The following TTLL5 variants were observed in gnomAD, a reference collection of about 807,000 sequenced individuals.
The protein encoded by TTLL5 is tubulin tyrosine ligase like 5.
In TTLL5, 132 loss-of-function variants were observed where a neutral mutation model predicts 168.4. That is an observed-to-expected ratio of 0.78 (90% CI 0.68 to 0.91). The LOEUF (loss-of-function observed/expected upper bound fraction) is 0.91, where lower values mean the gene tolerates loss of function less well. TTLL5 is among the 40% of genes least tolerant of loss of function. The pLI, the probability that TTLL5 is intolerant of heterozygous loss-of-function variation, is 0.00. For missense variants in TTLL5, 1,545 were observed against 1,581.5 expected, an observed-to-expected ratio of 0.98 and a Z score of 0.39; for synonymous variants, 546 against 558.6, an observed-to-expected ratio of 0.98 and a Z score of 0.32.
intron 3 of TTLL5, 137 bp downstream of exon 3, chr14:75,669,659 C>A: frequency 2.3e-5 from 12 of 531,256 alleles, no homozygotes; most frequent in East Asian, 6.7e-5. Context: ...ATACTTCAAA[C>A]ATTATAATTT....
intron 28 of TTLL5, among the ~76,000 whole-genome samples, chr14:75,821,724 C>G (rs897484098): frequency 2.6e-5 from 4 of 152,142 alleles, no homozygotes; most frequent in Admixed American, 2.0e-4. Flanking sequence ...TGTGCCAGGA[C>G]CTAAGGTTCA....
chr14:75,911,597 C>T (rs1387315121), intron 31 of TTLL5, among the ~76,000 whole-genome samples: 1 of 152,032 alleles, frequency 6.6e-6, no homozygotes, highest in East Asian at 1.9e-4. Flanking sequence ...ATTTTCCTTC[C>T]CTTTTTATTT....
intron 2 of TTLL5, among the ~76,000 whole-genome samples, chr14:75,668,498 C>G (rs1408447798): frequency 6.6e-6 from 1 of 152,156 alleles, no homozygotes; most frequent in East Asian, 1.9e-4. Flanking sequence ...TTCCTACCTC[C>G]CTGCCCTAAT....
intron 29 of TTLL5, among the ~76,000 whole-genome samples, chr14:75,880,750 T>C (rs1287996606): frequency 6.6e-6 from 1 of 152,240 alleles, no homozygotes; most frequent in Non-Finnish European, 1.5e-5. Flanking sequence ...CCCAGAAGGC[T>C]GCCTCCTGCT....
Position 75,690,261 on chromosome 14 carries a change from C to G in TTLL5, c.441C>G (p.Phe147Leu). The change falls in exon 6 of 32, where the codon TTC (phenylalanine) becomes TTG (leucine). Residue 147 changes from phenylalanine (F) to leucine (L), a missense_variant. Transcript: ENST00000298832. ...NIIRMQHTHG[F>L]KAFHILPQTF... The stretch of plus-strand genomic sequence containing the variant: ...TTCGAATGCAGCATACACATGGATT[C>G]AAGGCTTTTCACATCCTCCCCCAGA... The G allele has an allele frequency of 6.2e-7, 1 of 1,612,394 alleles. No homozygotes were observed. The highest frequency in any genetic ancestry group is 1.3e-5 in the African/African-American group (1 of 75,010).
intron 28 of TTLL5, among the ~76,000 whole-genome samples, chr14:75,862,598 A>C (rs1252189049): frequency 6.6e-6 from 1 of 152,272 alleles, no homozygotes; most frequent in East Asian, 1.9e-4. Flanking sequence ...GTAGGAGGCT[A>C]TAGTTGTAAA....
At chr14:75,773,952 AGAGAAAGAGAGAGAGAG>A (rs1891527847) in intron 21 of TTLL5, among the ~76,000 whole-genome samples, 1 of 39,160 alleles carries the variant, frequency 2.6e-5, no homozygotes, top group African/African-American at 7.2e-5. Flanking sequence ...AGAGAGAGAG[AGAGAAAGAGAGAGAGAG>A]AGAGAGAGAG....
chr14:75,864,562 A>C (rs556723219), intron 29 of TTLL5, among the ~76,000 whole-genome samples: 1 of 152,304 alleles, frequency 6.6e-6, no homozygotes, highest in Admixed American at 6.5e-5. Context: ...GAGCTATATA[A>C]GTATATAGCA....
chr14:75,804,599 C>T (rs558313880), intron 27 of TTLL5, among the ~76,000 whole-genome samples: 2 of 152,302 alleles, frequency 1.3e-5, no homozygotes, highest in East Asian at 1.9e-4. Flanking sequence ...CGTTTGTTAA[C>T]CCTAGTTCCT....
intron 9 of TTLL5, among the ~76,000 whole-genome samples, chr14:75,715,737 A>T (rs1314408801): frequency 6.6e-6 from 1 of 152,022 alleles, no homozygotes; most frequent in East Asian, 1.9e-4. Flanking sequence ...TGATATTAGA[A>T]ATCTTATCCT....
At chr14:75,836,758 T>C (rs1037868858) in intron 28 of TTLL5, among the ~76,000 whole-genome samples, 3 of 152,228 alleles carry the variant, frequency 2.0e-5, no homozygotes, top group Non-Finnish European at 4.4e-5. Flanking sequence ...GATCAAACTT[T>C]ACACACCTGT....
chr14:75,904,312 C>A, intron 31 of TTLL5: 2 of 972,272 alleles, frequency 2.1e-6, no homozygotes, highest in Non-Finnish European at 2.5e-6. Flanking sequence ...GAAGTAATGG[C>A]ACAAGGGAAT....
intron 28 of TTLL5, among the ~76,000 whole-genome samples, chr14:75,829,376 G>C (rs1595113309): frequency 6.6e-6 from 1 of 151,910 alleles, no homozygotes; most frequent in South Asian, 2.1e-4. Context: ...TAACACATAT[G>C]GTATATAATG....
At position 75,695,823 on chromosome 14, in the gene TTLL5, C is replaced by T. The variant is rs140956053; in HGVS notation, c.503-3365C>T. Among the ~76,000 whole-genome samples the T allele has an allele frequency of 2.6e-3, 344 of 134,642 alleles. 1 individual carries two copies. Among genetic ancestry groups the T allele is most frequent in the African/African-American group, 8.7e-3 (306 of 35,198 alleles). 88.3% of individuals were successfully genotyped at this position (134,642 alleles called of 152,430 possible). A position where few individuals can be genotyped will look rare whatever the true frequency, so the allele number is the denominator to read the frequency against. ...CTGCCCTCCCCTCCCCTCCCCTCCC[C>T]GACTTCCCTCTCCCACTTCCCTCCC... is the stretch of plus-strand genomic sequence containing the variant. On this transcript the variant is annotated intron_variant, in intron 6 of 31. Coordinates refer to ENST00000298832, the MANE Select transcript of TTLL5 (RefSeq NM_015072.5).
rs35736530 is a variant in TTLL5 at position 75,816,974 on chromosome 14, A to ATTTT, written c.3172-3012_3172-3009dup. Among the ~76,000 whole-genome samples, 379 of 96,062 alleles carry ATTTT rather than the reference A, an allele frequency of 3.9e-3. 23 individuals carry two copies. Among genetic ancestry groups the ATTTT allele is most frequent in the African/African-American group, 0.011 (272 of 23,830 alleles). 63.0% of individuals were successfully genotyped at this position (96,062 alleles called of 152,430 possible). On this transcript the variant is annotated intron_variant, in intron 27 of 31. Coordinates refer to ENST00000298832, the MANE Select transcript of TTLL5 (RefSeq NM_015072.5). ...TTTGCTACTATATCTTCCCTGTCTT[A>ATTTT]TTTTTTTTTTTTTTTTTTTTTTTTG...
intron 29 of TTLL5, among the ~76,000 whole-genome samples, chr14:75,876,757 C>T (rs2031510246): frequency 6.6e-6 from 1 of 152,210 alleles, no homozygotes; most frequent in Admixed American, 6.5e-5. Context: ...CCAAGAACTC[C>T]ATACAGTGTG....
At chr14:75,715,050 CTT>C (rs1887336170) in intron 9 of TTLL5, among the ~76,000 whole-genome samples, 1 of 152,150 alleles carries the variant, frequency 6.6e-6, no homozygotes, top group Admixed American at 6.6e-5. Context: ...TTTAAAATCT[CTT>C]TTCCAACAGC....
intron 17 of TTLL5, among the ~76,000 whole-genome samples, chr14:75,745,813 C>A (rs1370614044): frequency 6.6e-6 from 1 of 151,850 alleles, no homozygotes. Flanking sequence ...CTTCCTATCC[C>A]AGGGTTAGGG....
At chr14:75,696,194 C>T (rs2140148688) in intron 6 of TTLL5, among the ~76,000 whole-genome samples, 1 of 152,174 alleles carries the variant, frequency 6.6e-6, no homozygotes, top group Middle Eastern at 3.4e-3. Context: ...TAATAACTAG[C>T]CTGGTCGTTT....
Sources: gnomAD v4.1 joint callset for allele counts (sites outside exome capture counted in the v4.1 genomes callset) on GRCh38, gnomAD v4.1.1 for gene constraint, MANE v1.5 for transcripts, NCBI Gene and HGNC (gene_info 2026-07-23, HGNC 2026-07-21) for gene names.